Variants in PRMT3 observed in about 807,000 individuals in gnomAD.
The protein encoded by PRMT3 is protein arginine N-methyltransferase 3.
Under a neutral mutation model 71.9 loss-of-function variants are expected in PRMT3, and 62 were observed. The observed-to-expected ratio is 0.86, with a 90% CI of 0.70 to 1.07. The LOEUF is 1.07. PRMT3 is among the 50% of genes least tolerant of loss of function. PRMT3 has a pLI of 0.00. For synonymous variants in PRMT3, 213 were observed against 220.4 expected (o/e 0.97, Z 0.30); for missense variants, 663 against 643.0 (o/e 1.03, Z -0.34).
chr11:20,403,432 T>C lies in PRMT3; in HGVS notation c.771+448T>C, dbSNP rs189912768. Among the ~76,000 whole-genome samples the C allele has an allele frequency of 5.0e-3, 769 of 152,312 alleles. 3 individuals carry two copies. The highest frequency in any genetic ancestry group is 7.8e-3 in the Admixed American group (120 of 15,306). On this transcript the variant is annotated intron_variant, in intron 8 of 15. Transcript: ENST00000331079. ...CACTATGGTAGTATAGTATTTAGTT[T>C]ATATGCTTTATTTTAATACTTTATT...
At position 20,441,788 on chromosome 11, in the gene PRMT3, GTTTTTTT is replaced by G. The variant is rs61553968; in HGVS notation, c.994-10327_994-10321del. 2.5e-5 allele frequency among the ~76,000 whole-genome samples: 3 copies of G among 118,534 alleles called. No homozygotes were observed. The South Asian group carries it at 8.1e-4, about 32-fold the overall frequency. 77.8% of individuals were successfully genotyped at this position (118,534 alleles called of 152,430 possible). On this transcript the variant is annotated intron_variant, in intron 10 of 15. Coordinates refer to ENST00000331079, the MANE Select transcript of PRMT3 (RefSeq NM_005788.4). ...TATAACCTACCTACAATAGTTTCAGGTTTTTTTTTTTTTTTTTTTTTGAGATGGAGTT... is the reference window on the plus strand; with the variant it reads ...TATAACCTACCTACAATAGTTTCAGGTTTTTTTTTTTTTTGAGATGGAGTT...
rs747760075 is a variant in PRMT3 at position 20,494,186 on chromosome 11, C to G, written c.1418C>G (p.Pro473Arg). 2 of 1,610,454 alleles carry G rather than the reference C, an allele frequency of 1.2e-6. No individual in the cohort carries two copies. The highest frequency in any genetic ancestry group is 2.2e-5 in the East Asian group (1 of 44,866). The change falls in exon 15 of 16, where the codon CCT becomes CGT. Residue 473 changes from proline to arginine, a missense_variant. Transcript: ENST00000331079. The part of the protein sequence containing the change: ...CHNRVVFSTG[P>R]QSTKTHWKQT... ...ATTCAGGTCGTGTTCTCTACGGGCC[C>G]TCAGAGCACCAAAACACACTGGAAA...
chr11:20,471,380 G>A (rs906673613), intron 13 of PRMT3, among the ~76,000 whole-genome samples: 1 of 152,054 alleles, frequency 6.6e-6, no homozygotes, highest in African/African-American at 2.4e-5. Context: ...TCCATTTTGA[G>A]TTAATTTTTG....
chr11:20,500,507 T>C (rs1161795588), intron 15 of PRMT3, among the ~76,000 whole-genome samples: 2 of 152,230 alleles, frequency 1.3e-5, no homozygotes, highest in Non-Finnish European at 2.9e-5. Context: ...CAAAAGGTTA[T>C]ATTAATCTAG....
chr11:20,488,651 G>T (rs1188204990), intron 13 of PRMT3, among the ~76,000 whole-genome samples: 1 of 152,102 alleles, frequency 6.6e-6, no homozygotes, highest in Non-Finnish European at 1.5e-5. Flanking sequence ...CTCCCTGCAG[G>T]TGATAGTGAT....
chr11:20,464,546 G>A lies in PRMT3; in HGVS notation c.1347G>A (p.Thr449=), dbSNP rs149199835. ...AAATCACAAGGACATCCATGTGCAC[G>A]GTAAGCTATTTCATTCTGCTTTTAC... ...TLKITRTSMC[T]AIAGYFDIYF... The change falls in exon 13 of 16, where the codon ACG becomes ACA. Residue 449 remains threonine (T), a splice_region_variant and synonymous_variant. Transcript: ENST00000331079. The A allele has an allele frequency of 1.9e-5, 31 of 1,608,628 alleles. No homozygotes were observed. In the East Asian group the frequency reaches 2.9e-4, roughly 15 times the overall value.
At chr11:20,504,409 G>C (rs1460354423) in intron 15 of PRMT3, among the ~76,000 whole-genome samples, 1 of 152,030 alleles carries the variant, frequency 6.6e-6, no homozygotes, top group Non-Finnish European at 1.5e-5. Flanking sequence ...AGAACAAAAT[G>C]GCAAGATTTA....
chr11:20,506,775 T>C (rs1374442864), intron 15 of PRMT3, among the ~76,000 whole-genome samples: 1 of 152,244 alleles, frequency 6.6e-6, no homozygotes, highest in Non-Finnish European at 1.5e-5. Context: ...GTTATCTTAA[T>C]ATTATTTAAG....
intron 11 of PRMT3, among the ~76,000 whole-genome samples, chr11:20,461,575 T>G (rs1453223235): frequency 6.6e-6 from 1 of 152,180 alleles, no homozygotes; most frequent in African/African-American, 2.4e-5. Flanking sequence ...TTACATGATT[T>G]TCTTACATGC....
chr11:20,453,157 T>C (rs1435495241), intron 11 of PRMT3, among the ~76,000 whole-genome samples: 1 of 151,922 alleles, frequency 6.6e-6, no homozygotes, highest in African/African-American at 2.4e-5. Flanking sequence ...CCATGTTCTA[T>C]GAAATTACTT....
At chr11:20,444,817 C>T (rs1434042021) in intron 10 of PRMT3, among the ~76,000 whole-genome samples, 1 of 152,022 alleles carries the variant, frequency 6.6e-6, no homozygotes, top group Non-Finnish European at 1.5e-5. Context: ...CTGTTAATTA[C>T]TGAAAGAAGA....
intron 9 of PRMT3, among the ~76,000 whole-genome samples, chr11:20,411,810 CAT>C (rs1849199074): frequency 6.6e-6 from 1 of 152,114 alleles, no homozygotes; most frequent in Admixed American, 6.5e-5. Flanking sequence ...AAACATTGCA[CAT>C]GAGAGCATAT....
At chr11:20,464,677 C>A in intron 13 of PRMT3, 131 bp downstream of exon 13, 1 of 1,400,570 alleles carries the variant, frequency 7.1e-7, no homozygotes, top group Non-Finnish European at 9.4e-7. Flanking sequence ...ATTGCCTTTG[C>A]TAGGCCATTG....
At chr11:20,415,937 T>C (rs1849295165) in intron 9 of PRMT3, among the ~76,000 whole-genome samples, 1 of 152,174 alleles carries the variant, frequency 6.6e-6, no homozygotes, top group Non-Finnish European at 1.5e-5. Flanking sequence ...CTGCATTCAC[T>C]CATTTCTTCC....
At chr11:20,501,978 A>G (rs749515825) in intron 15 of PRMT3, among the ~76,000 whole-genome samples, 16 of 152,164 alleles carry the variant, frequency 1.1e-4, no homozygotes, top group Non-Finnish European at 1.9e-4. Context: ...ATTAATAATG[A>G]TTTGTTGTGT....
chr11:20,475,324 C>G (rs1850753960), intron 13 of PRMT3, among the ~76,000 whole-genome samples: 2 of 152,306 alleles, frequency 1.3e-5, no homozygotes, highest in South Asian at 4.2e-4. Flanking sequence ...ATCACCCCAC[C>G]CTGCTTTTCT....
At chr11:20,396,957 T>G (rs1399944518) in intron 6 of PRMT3, among the ~76,000 whole-genome samples, 1 of 152,206 alleles carries the variant, frequency 6.6e-6, no homozygotes, top group Non-Finnish European at 1.5e-5. Context: ...GCAGGAAAGA[T>G]AGTAGAGCCA....
intron 13 of PRMT3, among the ~76,000 whole-genome samples, chr11:20,485,376 GTA>G (rs1565234221): frequency 6.6e-6 from 1 of 152,156 alleles, no homozygotes; most frequent in Non-Finnish European, 1.5e-5. Context: ...AGTTGAAGCA[GTA>G]GACAATAAAA....
chr11:20,498,967 G>C (rs915851690), intron 15 of PRMT3, among the ~76,000 whole-genome samples: 24 of 152,198 alleles, frequency 1.6e-4, no homozygotes, highest in African/African-American at 5.8e-4. Context: ...TCACCAAATG[G>C]AAACTTGGAT....
Sources: allele counts gnomAD v4.1 joint callset (sites outside exome capture counted in the v4.1 genomes callset), GRCh38; gene constraint gnomAD v4.1.1; transcripts MANE v1.5; gene names NCBI Gene and HGNC (gene_info 2026-07-23, HGNC 2026-07-21).